The following UBXN7 variants were observed in gnomAD, a reference collection of about 807,000 sequenced individuals.
UBXN7 encodes the protein UBX domain protein 7, also known as UBX domain-containing protein 7.
Under a neutral mutation model 58.0 loss-of-function variants are expected in UBXN7, and 9 were observed. The ratio of observed to expected loss-of-function variants is 0.16; its 90% CI spans 0.09 to 0.27. The LOEUF (loss-of-function observed/expected upper bound fraction) is 0.27, where lower values mean the gene tolerates loss of function less well. UBXN7 is among the 10% of genes least tolerant of loss of function. The pLI is 1.00. For missense variants in UBXN7, 328 were observed against 599.6 expected (o/e 0.55, Z 4.73); for synonymous variants, 208 against 205.0 (o/e 1.01, Z -0.12).
intron 1 of UBXN7, among the ~76,000 whole-genome samples, chr3:196,418,380 T>G (rs1218370042): frequency 2.0e-5 from 3 of 152,184 alleles, no homozygotes; most frequent in African/African-American, 7.2e-5. Flanking sequence ...TGTGAATATA[T>G]ATAGCTTATG....
In UBXN7 at chr3:196,352,428, TAG is replaced by T. The variant is rs1169164591; in HGVS notation, c.*4255_*4256del. On this transcript the variant is annotated 3_prime_UTR_variant, in exon 11 of 11. Transcript: ENST00000296328. This position sits in a 1 kb window ranked among gnomAD's most constrained non-coding sequence, Gnocchi z 4.1. ...CCTGGCTAATTTTTGTATTTTTCAG[TAG>T]AGATGGGGTTTCACCATGTTGGCCA... The T allele has an allele frequency of 2.0e-5, 3 of 151,974 alleles. No individual in the cohort carries two copies. Among genetic ancestry groups the T allele is most frequent in the Non-Finnish European group, 2.9e-5 (2 of 68,006 alleles). 9.4% of individuals were successfully genotyped at this position (151,974 alleles called of 1,614,324 possible).
intron 5 of UBXN7, among the ~76,000 whole-genome samples, chr3:196,391,376 C>T (rs1430659076): frequency 6.6e-6 from 1 of 151,998 alleles, no homozygotes; most frequent in African/African-American, 2.4e-5. Context: ...TGTAGATATA[C>T]TTATTATAAT....
At chr3:196,363,466 C>T (rs920047973) in intron 8 of UBXN7, among the ~76,000 whole-genome samples, 3 of 151,324 alleles carry the variant, frequency 2.0e-5, no homozygotes, top group Non-Finnish European at 4.4e-5. Flanking sequence ...ACCATCCTGG[C>T]CAACATGGTG....
intron 1 of UBXN7, among the ~76,000 whole-genome samples, chr3:196,422,297 C>G (rs1730712976): frequency 6.6e-6 from 1 of 151,742 alleles, no homozygotes; most frequent in Non-Finnish European, 1.5e-5. Flanking sequence ...ACCTAGGCAG[C>G]ACAGGGAGAC....
At chr3:196,422,078 T>C (rs1196830692) in intron 1 of UBXN7, among the ~76,000 whole-genome samples, 1 of 152,042 alleles carries the variant, frequency 6.6e-6, no homozygotes, top group East Asian at 1.9e-4. Flanking sequence ...TGCACGCCTG[T>C]AGTCCCAGCT....
chr3:196,426,571 AGGC>A (rs1011938986), intron 1 of UBXN7, among the ~76,000 whole-genome samples: 2 of 152,088 alleles, frequency 1.3e-5, no homozygotes, highest in African/African-American at 4.8e-5. Context: ...GAATGAGGCC[AGGC>A]GCGGTGGTTC....
chr3:196,417,114 C>T (rs368674235), intron 1 of UBXN7, among the ~76,000 whole-genome samples: 10 of 152,156 alleles, frequency 6.6e-5, no homozygotes, highest in East Asian at 3.9e-4. Context: ...GAGATCGAGA[C>T]CATCCTGGCT....
In UBXN7 at chr3:196,368,742, C is replaced by G. The variant is rs1430641821; in HGVS notation, c.707-587G>C. On this transcript the variant is annotated intron_variant, in intron 7 of 10. Coordinates refer to ENST00000296328, the MANE Select transcript of UBXN7 (RefSeq NM_015562.2). ...ATAAAACACCATCAATTAATAAAACCAGCTCCACCCTCTGCTTCTCAGGTG... is the reference window on the plus strand; with the variant it reads ...ATAAAACACCATCAATTAATAAAACGAGCTCCACCCTCTGCTTCTCAGGTG... Among the ~76,000 whole-genome samples the G allele has an allele frequency of 2.6e-5, 4 of 152,186 alleles. No homozygotes were observed. In the East Asian group the frequency reaches 7.7e-4, roughly 29 times the overall value.
At chr3:196,420,801 A>G (rs572356070) in intron 1 of UBXN7, among the ~76,000 whole-genome samples, 2 of 152,296 alleles carry the variant, frequency 1.3e-5, no homozygotes, top group South Asian at 2.1e-4. Context: ...TCATGCTGCT[A>G]TCTCCTAGTT....
chr3:196,365,186 G>A (rs1022685737), intron 8 of UBXN7, among the ~76,000 whole-genome samples: 4 of 139,704 alleles, frequency 2.9e-5, no homozygotes, highest in Non-Finnish European at 4.6e-5. Flanking sequence ...AAAAATTATA[G>A]AATTAAATGC....
At chr3:196,398,600 T>A (rs1203508553) in intron 3 of UBXN7, among the ~76,000 whole-genome samples, 1 of 152,124 alleles carries the variant, frequency 6.6e-6, no homozygotes, top group African/African-American at 2.4e-5. Context: ...GTACAAAAAA[T>A]TTTCTAAAAT....
At chr3:196,386,063 A>C (rs1177793419) in intron 5 of UBXN7, among the ~76,000 whole-genome samples, 3 of 152,128 alleles carry the variant, frequency 2.0e-5, no homozygotes, top group Non-Finnish European at 4.4e-5. Context: ...GATGCTGTTT[A>C]TCTATGACCT....
rs1159006266 is a variant in UBXN7, at chr3:196,377,045, C to CAAA, written c.469-5006_469-5004dup. ...TGGGTGACAGAGTGAGACTCTGTCT[C>CAAA]AAAAAAAAAAAAAAAAAGGAAGAAA... On this transcript the variant is annotated intron_variant, in intron 5 of 10. Transcript: ENST00000296328. 4.4e-3 allele frequency among the ~76,000 whole-genome samples: 303 copies of CAAA among 69,304 alleles called. 1 individual carries two copies. The highest frequency in any genetic ancestry group is 0.013 in the African/African-American group (274 of 21,476). The allele number at this position is 69,304 out of a possible 152,430, so 45.5% of individuals were successfully genotyped here.
chr3:196,420,139 C>T (rs1441160441), intron 1 of UBXN7, among the ~76,000 whole-genome samples: 1 of 152,130 alleles, frequency 6.6e-6, no homozygotes, highest in East Asian at 1.9e-4. Flanking sequence ...GGACTTCTAT[C>T]TTACTACAGT....
Position 196,348,308 on chromosome 3 carries a change from G to A in UBXN7, c.*8377C>T, listed in dbSNP as rs919178129. 6.6e-6 allele frequency: 1 copy of A among 152,054 alleles called. No individual in the cohort carries two copies. The highest frequency in any genetic ancestry group is 1.5e-5 in the Non-Finnish European group (1 of 68,024). 9.4% of individuals were successfully genotyped at this position (152,054 alleles called of 1,614,324 possible). A position where few individuals can be genotyped will look rare whatever the true frequency, so the allele number is the denominator to read the frequency against. On this transcript the variant is annotated 3_prime_UTR_variant, in exon 11 of 11. Coordinates refer to ENST00000296328, the MANE Select transcript of UBXN7 (RefSeq NM_015562.2). ...ATCCCAAAGACTTCTTCCCACCACT[G>A]AGAAGAGCTGCAGAAATCAACGGTA... is the stretch of plus-strand genomic sequence containing the variant.
chr3:196,432,138 G>GC (rs1481713596), intron 1 of UBXN7, 189 bp downstream of exon 1: 3 of 756,756 alleles, frequency 4.0e-6, no homozygotes, highest in Non-Finnish European at 6.9e-6. Context: ...GGTATCGGGA[G>GC]CGGGGGGGGG....
At chr3:196,364,181 A>G (rs1369225721) in intron 8 of UBXN7, among the ~76,000 whole-genome samples, 1 of 152,206 alleles carries the variant, frequency 6.6e-6, no homozygotes, top group African/African-American at 2.4e-5. Flanking sequence ...TTCTAATGCC[A>G]CAGATTTTAC....
chr3:196,376,840 G>A (rs149394787), intron 5 of UBXN7, among the ~76,000 whole-genome samples: 9 of 151,938 alleles, frequency 5.9e-5, no homozygotes, highest in African/African-American at 1.9e-4. Flanking sequence ...GAGCTCAGGA[G>A]TTCAAGACCA....
At chr3:196,417,136 A>C (rs981189385) in intron 1 of UBXN7, among the ~76,000 whole-genome samples, 3 of 152,046 alleles carry the variant, frequency 2.0e-5, no homozygotes, top group Non-Finnish European at 4.4e-5. Context: ...ACACGGTGAA[A>C]CCCCGTCTCT....
Sources: gnomAD v4.1 joint callset for allele counts (sites outside exome capture counted in the v4.1 genomes callset) on GRCh38, gnomAD v4.1.1 for gene constraint, Gnocchi (gnomAD v3.1) non-coding constraint, MANE v1.5 for transcripts, NCBI Gene and HGNC (gene_info 2026-07-23, HGNC 2026-07-21) for gene names.